The following MSI2 variants were observed in gnomAD, a reference collection of about 807,000 sequenced individuals.
MSI2 encodes musashi RNA binding protein 2, also known as RNA-binding protein Musashi homolog 2.
MSI2 carries 17 observed loss-of-function variants against 45.6 expected under a neutral mutation model. The observed-to-expected ratio is 0.37, with a 90% CI of 0.26 to 0.56. The LOEUF (loss-of-function observed/expected upper bound fraction) is 0.56. Ranked by LOEUF, MSI2 falls within the 20% of genes least tolerant of loss-of-function variation. The pLI is 0.77. For missense variants in MSI2, 293 were observed against 444.2 expected (o/e 0.66, Z 3.06); for synonymous variants, 156 against 158.2 (o/e 0.99, Z 0.11).
chr17:57,400,152 C>T (rs1311430313), intron 5 of MSI2, among the ~76,000 whole-genome samples: 1 of 152,156 alleles, frequency 6.6e-6, no homozygotes, highest in African/African-American at 2.4e-5. Context: ...TGGCACATAG[C>T]CTAAACTCAG....
chr17:57,580,016 A>G (rs2088158728), intron 7 of MSI2, among the ~76,000 whole-genome samples: 1 of 152,038 alleles, frequency 6.6e-6, no homozygotes, highest in Admixed American at 6.6e-5. Context: ...ACCACAGGAA[A>G]CTGGAAACCT....
chr17:57,514,665 T>TG (rs1352389646), intron 6 of MSI2, among the ~76,000 whole-genome samples: 3 of 118,266 alleles, frequency 2.5e-5, no homozygotes, highest in Non-Finnish European at 5.8e-5. Flanking sequence ...TTTTTTTTTT[T>TG]TTTTTTTAAG....
downstream of MSI2, among the ~76,000 whole-genome samples, chr17:57,687,923 TCAA>T (rs1437519593): frequency 1.3e-5 from 2 of 152,220 alleles, no homozygotes; most frequent in East Asian, 3.9e-4. Flanking sequence ...AGGAAATCTG[TCAA>T]CATCTATTAT....
At chr17:57,654,439 A>G (rs1210927557) in intron 11 of MSI2, among the ~76,000 whole-genome samples, 2 of 152,210 alleles carry the variant, frequency 1.3e-5, no homozygotes, top group African/African-American at 2.4e-5. Flanking sequence ...CTTCTAGAAA[A>G]TGATCGGGAA....
rs1254798746 is a variant in MSI2 at position 57,256,722 on chromosome 17, G to A, written c.-21G>A. ...TGTGGGGCTTGGTTTTTTGGGGGTG[G>A]GGGGGCGGGGGGGCTCAGATATGGA... On this transcript the variant is annotated 5_prime_UTR_variant, in exon 1 of 14. Coordinates refer to ENST00000284073, the MANE Select transcript of MSI2 (RefSeq NM_138962.4). 5 of 598,134 alleles carry A rather than the reference G, an allele frequency of 8.4e-6. No homozygotes were observed. Among genetic ancestry groups the A allele is most frequent in the Admixed American group, 4.5e-5 (1 of 22,024 alleles). The allele number at this position is 598,134 out of a possible 1,614,324, so 37.1% of individuals were successfully genotyped here. A position where few individuals can be genotyped will look rare whatever the true frequency, so the allele number is the denominator to read the frequency against.
chr17:57,323,561 G>A (rs149476455), intron 5 of MSI2, among the ~76,000 whole-genome samples: 357 of 152,360 alleles, frequency 2.3e-3, no homozygotes, highest in Non-Finnish European at 3.9e-3. Flanking sequence ...GTGCTCCTGC[G>A]TCCCTGGCAG....
chr17:57,269,010 A>T (rs962969159), intron 5 of MSI2, among the ~76,000 whole-genome samples: 1 of 152,168 alleles, frequency 6.6e-6, no homozygotes, highest in Non-Finnish European at 1.5e-5. Context: ...GTGACCTGTG[A>T]TACTGGAAAG....
intron 10 of MSI2, among the ~76,000 whole-genome samples, chr17:57,651,586 C>T (rs1308397230): frequency 6.6e-6 from 1 of 152,254 alleles, no homozygotes; most frequent in African/African-American, 2.4e-5. Flanking sequence ...TGCTAACCTG[C>T]AGAGCCTTTG....
At chr17:57,518,830 A>C (rs1281805791) in intron 6 of MSI2, among the ~76,000 whole-genome samples, 1 of 152,212 alleles carries the variant, frequency 6.6e-6, no homozygotes, top group Non-Finnish European at 1.5e-5. Context: ...AGCAGCCGCC[A>C]CTTGAAGGAG....
At chr17:57,539,079 A>T (rs1183535755) in intron 7 of MSI2, among the ~76,000 whole-genome samples, 1 of 152,236 alleles carries the variant, frequency 6.6e-6, no homozygotes, top group African/African-American at 2.4e-5. Context: ...AAAAACATAC[A>T]TACATAAAAA....
At chr17:57,564,901 C>G (rs551422639) in intron 7 of MSI2, among the ~76,000 whole-genome samples, 2 of 152,220 alleles carry the variant, frequency 1.3e-5, no homozygotes, top group South Asian at 4.1e-4. Context: ...GCAATCGTGA[C>G]GCCTTGGGTT....
Position 57,408,789 on chromosome 17 carries a change from T to C in MSI2, c.405+7318T>C, listed in dbSNP as rs544966031. On this transcript the variant is annotated intron_variant, in intron 6 of 13. Transcript: ENST00000284073. ...AGCTTGTGCCAGTGGGTGCAAGGGG[T>C]GGTTCTTATGGAGGAGAAAGCGCAG... Among the ~76,000 whole-genome samples, 28 of 152,022 alleles carry C rather than the reference T, an allele frequency of 1.8e-4. No individual in the cohort carries two copies. In the South Asian group the frequency reaches 4.8e-3, roughly 26 times the overall value.
chr17:57,587,196 G>C (rs1904373047), intron 7 of MSI2, among the ~76,000 whole-genome samples: 1 of 152,162 alleles, frequency 6.6e-6, no homozygotes, highest in Non-Finnish European at 1.5e-5. Flanking sequence ...TTGATATATT[G>C]TCTAGGAGCA....
chr17:57,273,763 G>A (rs1480619824), intron 5 of MSI2, among the ~76,000 whole-genome samples: 1 of 152,200 alleles, frequency 6.6e-6, no homozygotes, highest in Non-Finnish European at 1.5e-5. Flanking sequence ...GTGGATTAGA[G>A]TAGAAGGTGC....
intron 6 of MSI2, among the ~76,000 whole-genome samples, chr17:57,525,005 C>A (rs1005051089): frequency 1.3e-5 from 2 of 152,122 alleles, no homozygotes; most frequent in African/African-American, 2.4e-5. Flanking sequence ...GGCTCTGAGG[C>A]CCCCGGGAGA....
chr17:57,345,763 G>A (rs1377113615), intron 5 of MSI2, among the ~76,000 whole-genome samples: 7 of 149,612 alleles, frequency 4.7e-5, no homozygotes, highest in African/African-American at 7.5e-5. Flanking sequence ...AGGTTGCAGC[G>A]AGCCTAGATC....
At chr17:57,321,352 A>G (rs1461290831) in intron 5 of MSI2, among the ~76,000 whole-genome samples, 1 of 152,066 alleles carries the variant, frequency 6.6e-6, no homozygotes, top group Non-Finnish European at 1.5e-5. Context: ...TTTGCTTCAC[A>G]TGGCAAGGTG....
At chr17:57,604,316 T>C (rs893557058) in intron 8 of MSI2, among the ~76,000 whole-genome samples, 2 of 152,220 alleles carry the variant, frequency 1.3e-5, no homozygotes, top group Non-Finnish European at 2.9e-5. Flanking sequence ...ACTGTCGTCA[T>C]TGTCATCATT....
rs999499781 is a variant in MSI2, at chr17:57,612,214, A to G, written c.538-3756A>G. 9.5e-5 allele frequency among the ~76,000 whole-genome samples: 9 copies of G among 95,164 alleles called. 3 individuals are homozygous for G. Among genetic ancestry groups the G allele is most frequent in the Non-Finnish European group, 1.5e-4 (6 of 39,706 alleles). The allele number at this position is 95,164 out of a possible 152,430, so 62.4% of individuals were successfully genotyped here. A position where few individuals can be genotyped will look rare whatever the true frequency, so the allele number is the denominator to read the frequency against. On this transcript the variant is annotated intron_variant, in intron 8 of 13. Transcript: ENST00000284073. ...GGTTGATGTGTGAGTACTTGCATTC[A>G]TCTTAGGAGAACAAGACAGTCAGAG...
Sources: gnomAD v4.1 joint callset for allele counts (sites outside exome capture counted in the v4.1 genomes callset) on GRCh38, gnomAD v4.1.1 for gene constraint, MANE v1.5 for transcripts, NCBI Gene and HGNC (gene_info 2026-07-23, HGNC 2026-07-21) for gene names.